The following YES1 variants were observed in gnomAD, a reference collection of about 807,000 sequenced individuals.
YES1 encodes the protein YES proto-oncogene 1, Src family tyrosine kinase.
A neutral mutation model predicts 70.4 loss-of-function variants in YES1; 39 were observed. That is an observed-to-expected ratio of 0.55 (90% CI 0.43 to 0.72). The LOEUF (loss-of-function observed/expected upper bound fraction) is 0.72. Ranked by LOEUF, YES1 falls within the 30% of genes least tolerant of loss-of-function variation. The pLI is 0.00. For synonymous variants in YES1, 198 were observed against 218.6 expected (o/e 0.91, Z 0.83); for missense variants, 495 against 644.8 (o/e 0.77, Z 2.52).
At chr18:762,710 T>A (rs1904658714) in intron 1 of YES1, among the ~76,000 whole-genome samples, 1 of 152,120 alleles carries the variant, frequency 6.6e-6, no homozygotes, top group Non-Finnish European at 1.5e-5. Context: ...CACCACTACA[T>A]AATTCATCCA....
intron 1 of YES1, among the ~76,000 whole-genome samples, chr18:806,307 AT>A (rs1358764106): frequency 2.0e-5 from 3 of 152,196 alleles, no homozygotes; most frequent in African/African-American, 7.2e-5. Flanking sequence ...ACTACAATGA[AT>A]TTTCAGTTCA....
intron 1 of YES1, among the ~76,000 whole-genome samples, chr18:808,075 C>T (rs1279995512): frequency 2.0e-5 from 3 of 152,182 alleles, no homozygotes; most frequent in Non-Finnish European, 4.4e-5. Context: ...ATTCTATACT[C>T]TAAAATTACA....
chr18:747,684 A>G (rs561481957), intron 4 of YES1, among the ~76,000 whole-genome samples: 2 of 152,200 alleles, frequency 1.3e-5, no homozygotes, highest in South Asian at 2.1e-4. Context: ...TGAAAACATA[A>G]AAGAGAGAGA....
intron 1 of YES1, among the ~76,000 whole-genome samples, chr18:763,652 T>C (rs536698698): frequency 7.0e-6 from 1 of 142,076 alleles, no homozygotes; most frequent in African/African-American, 2.6e-5. Flanking sequence ...TGCAGTGAGC[T>C]GTGATCGTGC....
At chr18:726,110 T>G (rs1050223010) in intron 11 of YES1, among the ~76,000 whole-genome samples, 1 of 152,144 alleles carries the variant, frequency 6.6e-6, no homozygotes, top group Non-Finnish European at 1.5e-5. Context: ...AACTTCTAAT[T>G]ACCAATAAGC....
chr18:779,542 T>C (rs1255344483), intron 1 of YES1, among the ~76,000 whole-genome samples: 3 of 152,160 alleles, frequency 2.0e-5, no homozygotes, highest in Non-Finnish European at 4.4e-5. Flanking sequence ...CAGATCTGAA[T>C]TATGCAGATC....
Position 756,339 on chromosome 18 carries a change from A to G in YES1, c.271+218T>C, listed in dbSNP as rs537340846. 9.9e-5 allele frequency among the ~76,000 whole-genome samples: 15 copies of G among 152,234 alleles called. 1 individual carries two copies. The highest frequency in any genetic ancestry group is 3.4e-4 in the African/African-American group (14 of 41,532). ...AGTTAATAAAATAATTAATGACATG[A>G]TCCAGTACATAATCACCATCAGGTT... is the stretch of plus-strand genomic sequence containing the variant. On this transcript the variant is annotated intron_variant, in intron 2 of 11. Transcript: ENST00000314574.
chr18:733,782 C>CAAAAAAAAAAAA lies in YES1; in HGVS notation c.1292-829_1292-818dup, dbSNP rs71174280. The stretch of plus-strand genomic sequence containing the variant: ...TGGGCAACAGAGTGAGACTCCGTCT[C>CAAAAAAAAAAAA]AAAAAAAAAAAAAAAAAAAAAAAAA... On this transcript the variant is annotated intron_variant, in intron 10 of 11. Transcript: ENST00000314574. Among the ~76,000 whole-genome samples, 11 of 59,248 alleles carry CAAAAAAAAAAAA rather than the reference C, an allele frequency of 1.9e-4. 1 individual carries two copies. Among genetic ancestry groups the CAAAAAAAAAAAA allele is most frequent in the African/African-American group, 6.7e-4 (11 of 16,450 alleles). The allele number at this position is 59,248 out of a possible 152,430, so 38.9% of individuals were successfully genotyped here. A position where few individuals can be genotyped will look rare whatever the true frequency, so the allele number is the denominator to read the frequency against.
Position 737,771 on chromosome 18 carries a change from G to A in YES1, c.1138-810C>T, listed in dbSNP as rs1379793245. Among the ~76,000 whole-genome samples, 4 of 152,210 alleles carry A rather than the reference G, an allele frequency of 2.6e-5. No individual in the cohort carries two copies. In the East Asian group the frequency reaches 7.7e-4, roughly 29 times the overall value. On this transcript the variant is annotated intron_variant, in intron 9 of 11. Transcript: ENST00000314574. ...GTCTCACTCTGTCACGCAGGTTGGC[G>A]TGCAGTGGTGCAATCGTGGCTCACT...
At chr18:745,565 C>T (rs112780461) in intron 6 of YES1, 143 bp downstream of exon 6, 1 of 786,424 alleles carries the variant, frequency 1.3e-6, no homozygotes, top group East Asian at 2.6e-5. Context: ...CCTGTTCCTC[C>T]CTTTAGAATA....
chr18:781,269 CA>C (rs1167805094), intron 1 of YES1, among the ~76,000 whole-genome samples: 1,290 of 101,354 alleles, frequency 0.013, 22 homozygotes, highest in Admixed American at 0.043. Context: ...AACTCTGTCT[CA>C]AAAAAAAAAA....
intron 11 of YES1, among the ~76,000 whole-genome samples, chr18:729,448 C>A (rs981069841): frequency 1.3e-5 from 2 of 149,490 alleles, no homozygotes; most frequent in Non-Finnish European, 3.0e-5. Context: ...AATACAATTT[C>A]CATTTGATTC....
intron 10 of YES1, 141 bp downstream of exon 10, chr18:736,667 G>C (rs2080156991): frequency 8.6e-7 from 1 of 1,164,910 alleles, no homozygotes; most frequent in African/African-American, 1.6e-5. Context: ...AGCAGTACAT[G>C]ATTTTATGAA....
rs569662762 is a variant in YES1 at position 748,887 on chromosome 18, G to A, written c.372-869C>T. On this transcript the variant is annotated intron_variant, in intron 3 of 11. Transcript: ENST00000314574. ...TAAAAACTGAATTTCTGGGCCAGGCGTAGTGGCTCAAGCCTGTAATCCCAG... is the reference window on the plus strand; with the variant it reads ...TAAAAACTGAATTTCTGGGCCAGGCATAGTGGCTCAAGCCTGTAATCCCAG... Among the ~76,000 whole-genome samples the A allele has an allele frequency of 1.4e-4, 21 of 152,274 alleles. 1 individual carries two copies. The highest frequency in any genetic ancestry group is 1.0e-3 in the South Asian group (5 of 4,816).
At chr18:744,073 T>TA (rs2080249526) in intron 6 of YES1, among the ~76,000 whole-genome samples, 2 of 150,398 alleles carry the variant, frequency 1.3e-5, no homozygotes, top group African/African-American at 2.4e-5. Context: ...AAAATATATA[T>TA]TTTTTTAAGT....
At chr18:773,333 T>A (rs1292453205) in intron 1 of YES1, among the ~76,000 whole-genome samples, 1 of 152,208 alleles carries the variant, frequency 6.6e-6, no homozygotes, top group African/African-American at 2.4e-5. Context: ...ACTACTTTCA[T>A]CTTCCTGGAT....
At chr18:793,470 AG>A (rs1021955768) in intron 1 of YES1, among the ~76,000 whole-genome samples, 2 of 152,056 alleles carry the variant, frequency 1.3e-5, no homozygotes, top group African/African-American at 4.8e-5. Context: ...CTGAGTAGCT[AG>A]GGCTACAGGC....
rs1288237766 is a variant in YES1, at chr18:787,075, ACTGT to A, written c.-9+25035_-9+25038del. 6.7e-3 allele frequency among the ~76,000 whole-genome samples: 757 copies of A among 113,604 alleles called. 11 individuals are homozygous for A. The highest frequency in any genetic ancestry group is 0.024 in the African/African-American group (725 of 29,718). 74.5% of individuals were successfully genotyped at this position (113,604 alleles called of 152,430 possible). On this transcript the variant is annotated intron_variant, in intron 1 of 11. Transcript: ENST00000314574. Reference sequence around the variant, plus strand: ...TGTTTTTTAAAAAACTGTGATACATACTGTCTTTTTTTTTTTTTTTTTTTTTTTT... The same window carrying A: ...TGTTTTTTAAAAAACTGTGATACATACTTTTTTTTTTTTTTTTTTTTTTTT...
intron 1 of YES1, among the ~76,000 whole-genome samples, chr18:776,981 G>C (rs1905416254): frequency 6.6e-6 from 1 of 152,034 alleles, no homozygotes; most frequent in East Asian, 1.9e-4. Context: ...TGTATTTGTG[G>C]TTATGAAAAA....
Sources: allele counts gnomAD v4.1 joint callset (sites outside exome capture counted in the v4.1 genomes callset), GRCh38; gene constraint gnomAD v4.1.1; transcripts MANE v1.5; gene names NCBI Gene and HGNC (gene_info 2026-07-23, HGNC 2026-07-21).